The following RAD51AP1 variants were observed in gnomAD, a reference collection of about 807,000 sequenced individuals.
The protein encoded by RAD51AP1 is RAD51-associated protein 1.
In RAD51AP1, 14 loss-of-function variants were observed where a neutral mutation model predicts 34.3. That is an observed-to-expected ratio of 0.41 (90% CI 0.27 to 0.64). The LOEUF is 0.64. RAD51AP1 is among the 30% of genes least tolerant of loss of function. The pLI is 0.33. For synonymous variants in RAD51AP1, 114 were observed against 129.8 expected (o/e 0.88, Z 0.83); for missense variants, 348 against 386.9 (o/e 0.90, Z 0.84).
At chr12:4,540,188 A>T (rs1252371209) in intron 1 of RAD51AP1, among the ~76,000 whole-genome samples, 1 of 152,216 alleles carries the variant, frequency 6.6e-6, no homozygotes, top group Non-Finnish European at 1.5e-5. Flanking sequence ...TCTTTGTATT[A>T]AGATAGGGAA....
At chr12:4,541,528 T>C (rs1453366671) in intron 1 of RAD51AP1, among the ~76,000 whole-genome samples, 1 of 152,172 alleles carries the variant, frequency 6.6e-6, no homozygotes, top group African/African-American at 2.4e-5. Context: ...ATTATAAATG[T>C]TAATTATGTA....
Position 4,539,065 on chromosome 12 carries a change from G to C in RAD51AP1, c.17+109G>C, listed in dbSNP as rs1388819356. 3 of 1,246,004 alleles carry C rather than the reference G, an allele frequency of 2.4e-6. No individual in the cohort carries two copies. The African/African-American group carries it at 4.5e-5, about 19-fold the overall frequency. The allele number at this position is 1,246,004 out of a possible 1,614,324, so 77.2% of individuals were successfully genotyped here. On this transcript the variant is annotated intron_variant, in intron 1 of 8. Transcript: ENST00000352618. ...CCGGAGGGCAGCGATGGTGGGGTTA[G>C]GATGGACGGTTATCAAGAACCCAGT...
chr12:4,544,596 T>C (rs1296833309), intron 3 of RAD51AP1, among the ~76,000 whole-genome samples: 1 of 152,288 alleles, frequency 6.6e-6, no homozygotes. Flanking sequence ...TTTCTTTTTT[T>C]TGGTTTTTGT....
chr12:4,554,912 A>T, intron 7 of RAD51AP1, among the ~76,000 whole-genome samples: 1 of 152,226 alleles, frequency 6.6e-6, no homozygotes, highest in South Asian at 2.1e-4. Context: ...AAATTTAAAA[A>T]TCAGTTCCTC....
chr12:4,547,748 A>G (rs1944516631), intron 4 of RAD51AP1, among the ~76,000 whole-genome samples: 1 of 152,208 alleles, frequency 6.6e-6, no homozygotes. Flanking sequence ...GCACAATAAT[A>G]AGCAATTCCT....
Position 4,559,109 on chromosome 12 carries a change from G to A in RAD51AP1, c.*116G>A. ...GTAATATAAAGGAATCCATTACCAT[G>A]TCCTATAAATGACCTCTAGCCATTT... On this transcript the variant is annotated 3_prime_UTR_variant, in exon 9 of 9. Transcript: ENST00000352618. 7.7e-7 allele frequency: 1 copy of A among 1,303,190 alleles called. No homozygotes were observed. The highest frequency in any genetic ancestry group is 1.1e-6 in the Non-Finnish European group (1 of 951,692). 80.7% of individuals were successfully genotyped at this position (1,303,190 alleles called of 1,614,324 possible). A position where few individuals can be genotyped will look rare whatever the true frequency, so the allele number is the denominator to read the frequency against.
chr12:4,545,667 C>G (rs763631103), intron 3 of RAD51AP1: 52 of 1,013,886 alleles, frequency 5.1e-5, no homozygotes, highest in Non-Finnish European at 7.0e-5. Context: ...TTGACGTTTT[C>G]TTCCTCTTAT....
At chr12:4,546,873 A>G (rs1035630766) in intron 4 of RAD51AP1, among the ~76,000 whole-genome samples, 1 of 151,982 alleles carries the variant, frequency 6.6e-6, no homozygotes, top group Non-Finnish European at 1.5e-5. Context: ...TTCTCTGTTG[A>G]TTTTCTCCTT....
intron 6 of RAD51AP1, among the ~76,000 whole-genome samples, chr12:4,551,513 C>T (rs1944546808): frequency 8.5e-6 from 1 of 118,238 alleles, no homozygotes; most frequent in Admixed American, 7.9e-5. Flanking sequence ...AAAAAAAAAG[C>T]AAGATTAAGT....
chr12:4,543,084 G>A (rs565994602), intron 2 of RAD51AP1, among the ~76,000 whole-genome samples: 10 of 151,514 alleles, frequency 6.6e-5, no homozygotes, highest in South Asian at 2.1e-4. Flanking sequence ...TTTTTGAGAC[G>A]GAGTCTCACT....
chr12:4,543,694 A>C, intron 2 of RAD51AP1, 69 bp from the exon 3 acceptor site: 1 of 1,156,522 alleles, frequency 8.6e-7, no homozygotes, highest in Non-Finnish European at 1.2e-6. Flanking sequence ...ACTTGAACAC[A>C]CATGGTAATG....
chr12:4,546,406 T>A lies in RAD51AP1; in HGVS notation c.307T>A (p.Ser103Thr). The change falls in exon 4 of 9, where the codon TCT (serine) becomes ACT (threonine). Residue 103 changes from serine to threonine, a missense_variant. Ser to Thr is a moderately conservative substitution (Grantham distance 58). Coordinates refer to ENST00000352618, the MANE Select transcript of RAD51AP1 (RefSeq NM_006479.5). ...AACAGTCACCACTAATGTGCAGAAC[T>A]CTCAAGATAAAAGTAACTTTATTTT... ...LPTVTTNVQN[S>T]QDKSIEKHGS... is the part of the protein sequence containing the mutation. 6.2e-7 allele frequency: 1 copy of A among 1,603,468 alleles called. No homozygotes were observed. The highest frequency in any genetic ancestry group is 1.1e-5 in the South Asian group (1 of 89,792).
At chr12:4,547,979 G>C (rs1944518120) in intron 4 of RAD51AP1, 113 bp from the exon 5 acceptor site, 1 of 1,103,362 alleles carries the variant, frequency 9.1e-7, no homozygotes, top group Non-Finnish European at 1.3e-6. Context: ...GCCAGTTGGA[G>C]TTTGGGATCA....
chr12:4,552,851 C>A (rs1170177228), intron 6 of RAD51AP1, 132 bp from the exon 7 acceptor site: 7 of 745,314 alleles, frequency 9.4e-6, no homozygotes, highest in Non-Finnish European at 1.4e-5. Context: ...CAATGGCAAC[C>A]ACTGCAGTGT....
chr12:4,557,544 CAT>C (rs1944591018), intron 8 of RAD51AP1, among the ~76,000 whole-genome samples: 1 of 152,052 alleles, frequency 6.6e-6, no homozygotes, highest in African/African-American at 2.4e-5. Context: ...TACTTGATGT[CAT>C]ATCATTCAAA....
At position 4,543,896 on chromosome 12, in the gene RAD51AP1, T is replaced by TA; in HGVS notation, c.208dup (p.Arg70LysfsTer6). 7 of 1,604,860 alleles carry TA rather than the reference T, an allele frequency of 4.4e-6. No individual in the cohort carries two copies. The highest frequency in any genetic ancestry group is 5.9e-6 in the Non-Finnish European group (7 of 1,176,498). ...AAATCCCAGTACAAGAGAAAACCCCTAAAAAAAGGTGAGAGGTAAGACATG... is the reference window on the plus strand; with the variant it reads ...AAATCCCAGTACAAGAGAAAACCCCTAAAAAAAAGGTGAGAGGTAAGACATG... On this transcript the variant is annotated frameshift_variant, in exon 3 of 9. Transcript: ENST00000352618. LOFTEE classifies it high-confidence loss of function.
intron 2 of RAD51AP1, among the ~76,000 whole-genome samples, chr12:4,542,558 A>G (rs558581429): frequency 6.6e-6 from 1 of 150,464 alleles, no homozygotes; most frequent in African/African-American, 2.5e-5. Context: ...AAGAGTGTAG[A>G]GTATAACATC....
intron 5 of RAD51AP1, 62 bp from the exon 6 acceptor site, chr12:4,548,625 C>A: frequency 6.5e-7 from 1 of 1,541,974 alleles, no homozygotes; most frequent in Non-Finnish European, 8.9e-7. Context: ...GTCTGGTCTG[C>A]AGTTCTTGAA....
At chr12:4,551,511 A>AAAAG (rs59566596) in intron 6 of RAD51AP1, among the ~76,000 whole-genome samples, 2 of 150,884 alleles carry the variant, frequency 1.3e-5, no homozygotes, top group African/African-American at 4.9e-5. Context: ...AAAAAAAAAA[A>AAAAG]GCAAGATTAA....
Sources: allele counts gnomAD v4.1 joint callset (sites outside exome capture counted in the v4.1 genomes callset), GRCh38; gene constraint gnomAD v4.1.1; transcripts MANE v1.5; gene names NCBI Gene and HGNC (gene_info 2026-07-23, HGNC 2026-07-21).